Variants in ARK2N observed in about 807,000 individuals in gnomAD.
ARK2N encodes arkadia (RNF111) N-terminal like PKA signaling regulator 2N.
At chr18:46,182,079 G>A in the ARK2N span, among the ~76,000 whole-genome samples, 1 of 152,122 alleles carries the variant, frequency 6.6e-6, no homozygotes, top group African/African-American at 2.4e-5. Context: ...AGGTATTGTC[G>A]GGGATAGGGA....
chr18:46,180,320 A>C, the ARK2N span, among the ~76,000 whole-genome samples: 5 of 152,368 alleles, frequency 3.3e-5, no homozygotes, highest in East Asian at 9.6e-4. Flanking sequence ...ATCTATCAGC[A>C]GGGACTTAAT....
At chr18:46,197,750 G>T in the ARK2N span, among the ~76,000 whole-genome samples, 19 of 152,276 alleles carry the variant, frequency 1.2e-4, no homozygotes, top group Non-Finnish European at 2.4e-4. Context: ...TCAAAAAGGG[G>T]AAAGCAAGAA....
the ARK2N span, among the ~76,000 whole-genome samples, chr18:46,240,863 C>T: frequency 1.3e-5 from 2 of 152,254 alleles, no homozygotes; most frequent in African/African-American, 4.8e-5. Context: ...TCAATATTTT[C>T]TTCAAAAGTT....
chr18:46,178,106 A>G, the ARK2N span, among the ~76,000 whole-genome samples: 1 of 152,054 alleles, frequency 6.6e-6, no homozygotes, highest in Non-Finnish European at 1.5e-5. Flanking sequence ...AGGGCAGCCT[A>G]ACCAAAGTCA....
At chr18:46,240,116 C>G in the ARK2N span, 1 of 1,614,190 alleles carries the variant, frequency 6.2e-7, no homozygotes, top group Non-Finnish European at 8.5e-7. Context: ...CACAGTAATT[C>G]TGTAGGCGGC....
the ARK2N span, among the ~76,000 whole-genome samples, chr18:46,240,697 C>A: frequency 1.3e-5 from 2 of 152,116 alleles, no homozygotes; most frequent in Non-Finnish European, 2.9e-5. Flanking sequence ...TAACTCCTTT[C>A]TTTTAGTTTC....
the ARK2N span, among the ~76,000 whole-genome samples, chr18:46,192,337 G>A: frequency 8.5e-5 from 13 of 152,204 alleles, no homozygotes; most frequent in East Asian, 1.6e-3. Context: ...AATATGGGAG[G>A]CTAAGGTGGG....
At chr18:46,189,017 C>T in the ARK2N span, among the ~76,000 whole-genome samples, 7 of 152,108 alleles carry the variant, frequency 4.6e-5, no homozygotes, top group South Asian at 1.4e-3. Flanking sequence ...GAGTTCGAGA[C>T]CAGCCTAGAC....
the ARK2N span, among the ~76,000 whole-genome samples, chr18:46,226,305 A>C: frequency 6.6e-6 from 1 of 152,228 alleles, no homozygotes; most frequent in Non-Finnish European, 1.5e-5. Context: ...AGTATTTTTC[A>C]TTGATATGGA....
chr18:46,200,271 A>G, the ARK2N span, among the ~76,000 whole-genome samples: 5 of 152,142 alleles, frequency 3.3e-5, no homozygotes, highest in African/African-American at 1.2e-4. Context: ...TGCCAGGGAC[A>G]AGATGTCAGA....
chr18:46,191,163 C>G, the ARK2N span, among the ~76,000 whole-genome samples: 1 of 151,882 alleles, frequency 6.6e-6, no homozygotes, highest in Admixed American at 6.6e-5. Context: ...AACTCATTTC[C>G]TCAGTATTGA....
At chr18:46,249,851 A>T in the ARK2N span, among the ~76,000 whole-genome samples, 4 of 151,658 alleles carry the variant, frequency 2.6e-5, no homozygotes, top group African/African-American at 9.7e-5. Flanking sequence ...GCTTTGCTAT[A>T]TTGGCTTTCT....
chr18:46,236,023 A>G, the ARK2N span, among the ~76,000 whole-genome samples: 1 of 152,208 alleles, frequency 6.6e-6, no homozygotes, highest in African/African-American at 2.4e-5. Flanking sequence ...ATACTTCTAT[A>G]TTTTGGTATT....
At chr18:46,223,835 CAGGT>C in the ARK2N span, among the ~76,000 whole-genome samples, 2 of 150,462 alleles carry the variant, frequency 1.3e-5, no homozygotes, top group African/African-American at 5.0e-5. Context: ...CATATGTTAT[CAGGT>C]AGGGATATAT....
chr18:46,256,692 AGTG>A, the ARK2N span, among the ~76,000 whole-genome samples: 330 of 152,320 alleles, frequency 2.2e-3, 1 homozygote, highest in African/African-American at 7.4e-3. Context: ...TTAAAACCTC[AGTG>A]GTGGTTAAAA....
chr18:46,215,679 G>A, the ARK2N span: 1 of 434,740 alleles, frequency 2.3e-6, no homozygotes, highest in Non-Finnish European at 4.1e-6. Flanking sequence ...CAAACAAGCA[G>A]ATAATAATAT....
the ARK2N span, chr18:46,253,914 G>T: frequency 2.2e-6 from 3 of 1,380,098 alleles, no homozygotes; most frequent in Non-Finnish European, 2.9e-6. Context: ...AGACTTTATG[G>T]CATAGCTGGC....
At chr18:46,175,412 CTT>C in the ARK2N span, among the ~76,000 whole-genome samples, 1 of 152,094 alleles carries the variant, frequency 6.6e-6, no homozygotes, top group East Asian at 1.9e-4. Context: ...CCTTTCTTCT[CTT>C]GGGATATTTT....
the ARK2N span, chr18:46,174,165 A>AC: frequency 1.3e-5 from 2 of 152,216 alleles, no homozygotes; most frequent in East Asian, 3.9e-4. Flanking sequence ...TCTGACCGCG[A>AC]CCCACTGCTC....
Sources: allele counts gnomAD v4.1 joint callset (sites outside exome capture counted in the v4.1 genomes callset), GRCh38; gene constraint gnomAD v4.1.1; transcripts MANE v1.5; gene names NCBI Gene and HGNC (gene_info 2026-07-23, HGNC 2026-07-21).